Variants in TTN observed in about 807,000 individuals in gnomAD.
TTN encodes titin.
Under a neutral mutation model 3,223.0 loss-of-function variants are expected in TTN, and 1,525 were observed. The ratio of observed to expected loss-of-function variants is 0.47; its 90% confidence interval spans 0.45 to 0.49. The LOEUF (loss-of-function observed/expected upper bound fraction) is 0.49, where lower values mean the gene tolerates loss of function less well. TTN is among the 20% of genes least tolerant of loss of function. The pLI, the probability that TTN is intolerant of heterozygous loss-of-function variation, is 0.00. For synonymous variants in TTN, 14,094 were observed against 15,161.0 expected (o/e 0.93, Z 5.17); for missense variants, 40,786 against 43,424.0 (o/e 0.94, Z 5.40).
In TTN at chr2:178,645,939, C is replaced by T; in HGVS notation, c.40389G>A (p.Glu13463=). The T allele has an allele frequency of 6.3e-7, 1 of 1,582,058 alleles. No homozygotes were observed. The change falls in exon 217 of 363, where the codon GAG becomes GAA. Residue 13463 remains glutamate, a synonymous_variant. Transcript: ENST00000589042. ...TTTTACCTTTAAGTTGGAATATTTT[C>T]TCCTTCACATCTTCCTTAGGTGGAG... ...PPAPPKEDVK[E]KIFQLKAIPK...
intron 13 of TTN, among the ~76,000 whole-genome samples, chr2:178,787,868 T>C (rs938069824): frequency 5.9e-5 from 9 of 152,124 alleles, no homozygotes; most frequent in African/African-American, 1.7e-4. Flanking sequence ...TGGACTTTGA[T>C]ATCTCTCACA....
chr2:178,671,843 C>G (rs2154264757), intron 155 of TTN, 128 bp downstream of exon 155: 1 of 922,026 alleles, frequency 1.1e-6, no homozygotes, highest in East Asian at 2.6e-5. Flanking sequence ...TTTGTGTCAA[C>G]TAGTTTAAAC....
chr2:178,740,985 G>A lies in TTN; in HGVS notation c.12248C>T (p.Ala4083Val). 3 of 1,613,908 alleles carry A rather than the reference G, an allele frequency of 1.9e-6. No homozygotes were observed. The highest frequency in any genetic ancestry group is 2.5e-6 in the Non-Finnish European group (3 of 1,179,844). Residue 4083 changes from alanine to valine, a missense_variant, in exon 48 of 363, where the codon GCT (alanine) becomes GTT (valine). Transcript: ENST00000589042. The part of the protein sequence containing the change: ...TFVKDTILKA[A>V]LITEENQQLS... ...TTGCTGGTTTTCTTCTGTAATTAAA[G>A]CAGCTTTCAAAATGGTGTCTTTTAC...
At chr2:178,653,177 C>G in intron 198 of TTN, 53 bp from the exon 199 acceptor site, 3 of 1,607,262 alleles carry the variant, frequency 1.9e-6, no homozygotes, top group East Asian at 2.2e-5. Flanking sequence ...ACCACTGGAA[C>G]AAAATGTCTT....
rs752729073 is a variant in TTN, at chr2:178,530,897, G to A, written c.105718C>T (p.Arg35240Trp). The change falls in exon 358 of 363, where the codon CGG becomes TGG. Residue 35240 changes from arginine (R) to tryptophan (W), a missense_variant. Physicochemically the swap from Arg to Trp is moderately radical, Grantham distance 101. Coordinates refer to ENST00000589042, the MANE Select transcript of TTN (RefSeq NM_001267550.2). ...SPPRVKSPEP[R>W]VKSPEAVKSP... ...TTAACTGCTTCTGGGGATTTCACCCGAGGCTCTGGGGATTTGACTCTTGGT... is the reference window on the plus strand; with the variant it reads ...TTAACTGCTTCTGGGGATTTCACCCAAGGCTCTGGGGATTTGACTCTTGGT... The A allele has an allele frequency of 1.4e-5, 22 of 1,613,872 alleles. No individual in the cohort carries two copies. Among genetic ancestry groups the A allele is most frequent in the Admixed American group, 1.7e-5 (1 of 60,008 alleles).
chr2:178,622,606 G>A (rs566326238), intron 243 of TTN, 64 bp downstream of exon 243: 108 of 1,371,224 alleles, frequency 7.9e-5, no homozygotes, highest in Non-Finnish European at 1.0e-4. Flanking sequence ...TTCCATTTTG[G>A]CTAGACCAAA....
In TTN at chr2:178,597,908, C is replaced by G; in HGVS notation, c.57262G>C (p.Val19088Leu). ...TDVIEMKDRL[V>L]SPDLQLDASV... The stretch of plus-strand genomic sequence containing the variant: ...GGCATAAGGAAGGATTGATAATTAC[C>G]AAGTCTGTCCTTCATTTCAATGACA... The change falls in exon 293 of 363, where the codon GTT becomes CTT. Residue 19088 changes from valine (V) to leucine (L), a missense_variant and splice_region_variant. Physicochemically the swap from Val to Leu is conservative, Grantham distance 32. Transcript: ENST00000589042. The G allele has an allele frequency of 6.2e-7, 1 of 1,612,960 alleles. No individual in the cohort carries two copies. The highest frequency in any genetic ancestry group is 8.5e-7 in the Non-Finnish European group (1 of 1,179,478).
Position 178,672,172 on chromosome 2 carries a change from C to T in TTN, c.35026G>A (p.Glu11676Lys), listed in dbSNP as rs755168593. 1.0e-5 allele frequency: 16 copies of T among 1,587,034 alleles called. No homozygotes were observed. Among genetic ancestry groups the T allele is most frequent in the Non-Finnish European group, 1.4e-5 (16 of 1,164,896 alleles). The part of the protein sequence containing the change: ...LELEVVEAEV[E>K]EIPEEEEFHE... ...AACTCTTCTTCTTCCGGAATTTCTT[C>T]CACTTCTGCTTCTACTACTTCTAAT... Residue 11676 changes from glutamate to lysine, a missense_variant, in exon 155 of 363, where the codon GAA (glutamate) becomes AAA (lysine). By Grantham distance (56) the Glu-to-Lys change is moderately conservative (BLOSUM62 1). Coordinates refer to ENST00000589042, the MANE Select transcript of TTN (RefSeq NM_001267550.2).
At position 178,552,199 on chromosome 2, in the gene TTN, A is replaced by G; in HGVS notation, c.90701T>C (p.Phe30234Ser). ...GACACTATCAGCCTTGATTTCATCA[A>G]ATCGAATGGGTCCTTTGGGCTTTGA... is the stretch of plus-strand genomic sequence containing the variant. ...PPSKPKGPIR[F>S]DEIKADSVIL... The change falls in exon 335 of 363, where the codon TTT becomes TCT. Residue 30234 changes from phenylalanine (F) to serine (S), a missense_variant. By Grantham distance (155) the Phe-to-Ser change is radical. Transcript: ENST00000589042. The G allele has an allele frequency of 6.2e-7, 1 of 1,613,638 alleles. No homozygotes were observed. Among genetic ancestry groups the G allele is most frequent in the Non-Finnish European group, 8.5e-7 (1 of 1,179,714 alleles).
chr2:178,747,518 C>T (rs1256047958), intron 47 of TTN: 21 of 1,613,148 alleles, frequency 1.3e-5, no homozygotes, highest in South Asian at 3.3e-5. Flanking sequence ...AGAAAGTGGA[C>T]GACCTAGTGA....
intron 220 of TTN, 51 bp from the exon 221 acceptor site, chr2:178,640,681 C>T (rs377175659): frequency 2.4e-5 from 33 of 1,393,728 alleles, no homozygotes; most frequent in Admixed American, 7.4e-5. Context: ...ATTTAGGAAG[C>T]ACCTCATCTG....
chr2:178,702,311 T>G (rs2075150722), intron 107 of TTN, 66 bp from the exon 108 acceptor site: 1 of 1,608,008 alleles, frequency 6.2e-7, no homozygotes, highest in Non-Finnish European at 8.5e-7. Context: ...TTTACTTCAA[T>G]ATACGTATGT....
chr2:178,542,305 G>A lies in TTN; in HGVS notation c.97451C>T (p.Ser32484Phe), dbSNP rs1462608160. Residue 32484 changes from serine (S) to phenylalanine (F), a missense_variant, in exon 349 of 363, where the codon TCT becomes TTT. Coordinates refer to ENST00000589042, the MANE Select transcript of TTN (RefSeq NM_001267550.2). ...CTCTATGACCTCAGACTGCAAGTAA[G>A]AGCCAATCCCGAAGCGGTTTGTTGC... ...VAATNRFGIG[S>F]YLQSEVIECR... The A allele has an allele frequency of 1.2e-6, 2 of 1,612,090 alleles. No homozygotes were observed. The highest frequency in any genetic ancestry group is 1.7e-6 in the Non-Finnish European group (2 of 1,179,130).
chr2:178,665,801 T>C lies in TTN; in HGVS notation c.35876-10A>G. The C allele has an allele frequency of 1.6e-6, 2 of 1,259,068 alleles. No individual in the cohort carries two copies. Among genetic ancestry groups the C allele is most frequent in the South Asian group, 6.6e-5 (2 of 30,168 alleles). 78.0% of individuals were successfully genotyped at this position (1,259,068 alleles called of 1,614,324 possible). On this transcript the variant is annotated splice_polypyrimidine_tract_variant and intron_variant, in intron 163 of 362. Transcript: ENST00000589042. The stretch of plus-strand genomic sequence containing the variant: ...CGAGGTGATTCAGGCACTTTAAAGA[T>C]ATGAATGCATTGTACTTTGGAGTTA...
intron 24 of TTN, 44 bp from the exon 25 acceptor site, chr2:178,778,019 A>G: frequency 6.3e-7 from 1 of 1,594,152 alleles, no homozygotes; most frequent in Non-Finnish European, 8.5e-7. Context: ...GCATAAAGAA[A>G]ACTCAGCAAA....
In TTN at chr2:178,634,325, A is replaced by G. The variant is rs777773240; in HGVS notation, c.42415+41T>C. On this transcript the variant is annotated intron_variant, in intron 230 of 362. Coordinates refer to ENST00000589042, the MANE Select transcript of TTN (RefSeq NM_001267550.2). This position sits in a 1 kb window ranked among gnomAD's most constrained non-coding sequence, Gnocchi z 4.6. ...CCTATCTTTAAAGTCATATATTTGC[A>G]TGCCTTTATGGGATGTCACAGATCT... 7.0e-6 allele frequency: 11 copies of G among 1,573,602 alleles called. No individual in the cohort carries two copies. The highest frequency in any genetic ancestry group is 4.2e-5 in the African/African-American group (3 of 72,234).
rs369121980 is a variant in TTN, at chr2:178,630,233, A to G, written c.44281+8T>C. 6.8e-6 allele frequency: 11 copies of G among 1,612,632 alleles called. No individual in the cohort carries two copies. In the African/African-American group the frequency reaches 1.1e-4, roughly 16 times the overall value. On this transcript the variant is annotated splice_region_variant and intron_variant, in intron 239 of 362. Transcript: ENST00000589042. ...ATTTAATTTCCCTGAAAAATATACA[A>G]TACTTACGCTTAACTCGGAGGTGGG...
In TTN at chr2:178,625,292, G is replaced by T; in HGVS notation, c.44529C>A (p.His14843Gln). 1 of 1,605,706 alleles carries T rather than the reference G, an allele frequency of 6.2e-7. No individual in the cohort carries two copies. Among genetic ancestry groups the T allele is most frequent in the Non-Finnish European group, 8.5e-7 (1 of 1,176,068 alleles). ...AATTACCTTTCACAAAGAGGTTGGCGTGAGTTTTGAAATCTTTTGCTGTTA... is the reference window on the plus strand; with the variant it reads ...AATTACCTTTCACAAAGAGGTTGGCTTGAGTTTTGAAATCTTTTGCTGTTA... The part of the protein sequence containing the change: ...VQLTAKDFKT[H>Q]ANLFVKEPPV... The change falls in exon 241 of 363, where the codon CAC becomes CAA. Residue 14843 changes from histidine (H) to glutamine (Q), a missense_variant. His to Gln is a conservative substitution (Grantham distance 24). Coordinates refer to ENST00000589042, the MANE Select transcript of TTN (RefSeq NM_001267550.2).
At position 178,790,665 on chromosome 2, in the gene TTN, A is replaced by G. The variant is rs773065178; in HGVS notation, c.1800+43T>C. ...TGAAAATGTAGGTGATTTGCAAATG[A>G]AATGGTGCAAGAGTGACTTTCACAT... On this transcript the variant is annotated intron_variant, in intron 11 of 362. Coordinates refer to ENST00000589042, the MANE Select transcript of TTN (RefSeq NM_001267550.2). 6 of 1,613,638 alleles carry G rather than the reference A, an allele frequency of 3.7e-6. No homozygotes were observed. The East Asian group carries it at 1.3e-4, about 36-fold the overall frequency.
Sources: allele counts gnomAD v4.1 joint callset (sites outside exome capture counted in the v4.1 genomes callset), GRCh38; gene constraint gnomAD v4.1.1; non-coding constraint Gnocchi (gnomAD v3.1); transcripts MANE v1.5; gene names NCBI Gene and HGNC (gene_info 2026-07-23, HGNC 2026-07-21).